The following BAZ2B variants were observed in gnomAD, a reference collection of about 807,000 sequenced individuals.
BAZ2B encodes bromodomain adjacent to zinc finger domain protein 2B.
A neutral mutation model predicts 246.0 loss-of-function variants in BAZ2B; 91 were observed. The observed-to-expected ratio is 0.37, with a 90% CI of 0.31 to 0.44. BAZ2B has a LOEUF of 0.44. Ranked by LOEUF, BAZ2B falls within the 20% of genes least tolerant of loss-of-function variation. BAZ2B has a pLI of 1.00. For synonymous variants in BAZ2B, 855 were observed against 860.0 expected (o/e 0.99, Z 0.10); for missense variants, 2,332 against 2,533.7 (o/e 0.92, Z 1.71).
intron 2 of BAZ2B, among the ~76,000 whole-genome samples, chr2:159,522,530 T>C (rs2084245398): frequency 1.3e-5 from 2 of 152,220 alleles, no homozygotes; most frequent in African/African-American, 4.8e-5. Context: ...CGTTAATGTC[T>C]AACCTCAAAC....
chr2:159,610,998 GTT>G (rs779244099), intron 1 of BAZ2B, among the ~76,000 whole-genome samples: 31 of 151,894 alleles, frequency 2.0e-4, no homozygotes, highest in Admixed American at 4.6e-4. Flanking sequence ...TACTTTTCCT[GTT>G]TTCAATAAAC....
chr2:159,419,751 T>C (rs974574786), intron 13 of BAZ2B: 39 of 152,226 alleles, frequency 2.6e-4, no homozygotes, highest in African/African-American at 9.2e-4. Context: ...CCTCCTAGTA[T>C]AGGCCTCGCC....
intron 21 of BAZ2B, among the ~76,000 whole-genome samples, chr2:159,388,142 TA>T (rs922536218): frequency 6.6e-6 from 1 of 151,414 alleles, no homozygotes; most frequent in Non-Finnish European, 1.5e-5. Context: ...TAAAATAAAA[TA>T]AAAAAAGAGC....
At chr2:159,440,656 C>G (rs2073224079) in intron 6 of BAZ2B, among the ~76,000 whole-genome samples, 1 of 151,932 alleles carries the variant, frequency 6.6e-6, no homozygotes, top group Admixed American at 6.6e-5. Context: ...GCTGGGATTA[C>G]AGGCGCCTGC....
intron 20 of BAZ2B, among the ~76,000 whole-genome samples, chr2:159,394,998 C>A (rs1254419020): frequency 1.3e-5 from 2 of 152,124 alleles, no homozygotes; most frequent in Admixed American, 1.3e-4. Flanking sequence ...TACAGCCTCC[C>A]AGCTTCTAGA....
At chr2:159,521,151 G>C (rs768376085) in intron 2 of BAZ2B, among the ~76,000 whole-genome samples, 1 of 151,808 alleles carries the variant, frequency 6.6e-6, no homozygotes, top group Non-Finnish European at 1.5e-5. Flanking sequence ...ATACACTGAA[G>C]TATCTCATAT....
intron 1 of BAZ2B, among the ~76,000 whole-genome samples, chr2:159,573,021 A>T (rs541281709): frequency 6.6e-6 from 1 of 152,304 alleles, no homozygotes; most frequent in Admixed American, 6.5e-5. Context: ...AGGGCAAAAT[A>T]TCAAAAAGAG....
At chr2:159,553,348 T>C (rs767295701) in intron 2 of BAZ2B, among the ~76,000 whole-genome samples, 2 of 131,924 alleles carry the variant, frequency 1.5e-5, no homozygotes, top group Admixed American at 8.8e-5. Context: ...TGAGCCAAGA[T>C]TGCACCACTG....
the BAZ2B span, among the ~76,000 whole-genome samples, chr2:159,644,461 G>A: frequency 6.6e-6 from 1 of 152,174 alleles, no homozygotes; most frequent in East Asian, 1.9e-4. Flanking sequence ...GGCTCTCTGT[G>A]AGGGCATTAC....
At chr2:159,651,809 T>C in the BAZ2B span, among the ~76,000 whole-genome samples, 1 of 152,206 alleles carries the variant, frequency 6.6e-6, no homozygotes, top group Non-Finnish European at 1.5e-5. Context: ...ATGTGGTCTT[T>C]TGTGACTAGC....
intron 1 of BAZ2B, among the ~76,000 whole-genome samples, chr2:159,593,122 A>G (rs2151712329): frequency 6.6e-6 from 1 of 152,360 alleles, no homozygotes; most frequent in Middle Eastern, 3.4e-3. Context: ...CTAAAGTAAT[A>G]AAAAGAAAAT....
chr2:159,488,480 T>A (rs2080087754), intron 2 of BAZ2B, among the ~76,000 whole-genome samples: 1 of 152,082 alleles, frequency 6.6e-6, no homozygotes, highest in Non-Finnish European at 1.5e-5. Context: ...TCAAAATATC[T>A]CATGTATCAC....
chr2:159,491,048 A>G (rs899787437), intron 2 of BAZ2B, among the ~76,000 whole-genome samples: 4 of 152,162 alleles, frequency 2.6e-5, no homozygotes, highest in Non-Finnish European at 5.9e-5. Context: ...GCAGGAGTCT[A>G]TTTTATGGCT....
intron 2 of BAZ2B, among the ~76,000 whole-genome samples, chr2:159,501,263 T>C (rs12692551): frequency 0.58 from 66,185 of 114,356 alleles, 18,838 homozygotes; most frequent in Non-Finnish European, 0.64. Context: ...GCATGGTGGC[T>C]TGCACCTATA....
At chr2:159,689,002 A>G in the BAZ2B span, among the ~76,000 whole-genome samples, 9 of 151,976 alleles carry the variant, frequency 5.9e-5, no homozygotes, top group African/African-American at 1.9e-4. Context: ...TCCATTTTTG[A>G]TTAGTATCTT....
Position 159,473,072 on chromosome 2 carries a change from CTTTG to C in BAZ2B, c.145+5499_145+5502del, listed in dbSNP as rs575982792. On this transcript the variant is annotated intron_variant, in intron 3 of 36. Transcript: ENST00000392783. ...TTCAGAAGGAATGGTACCAGCTCCT[CTTTG>C]TACCTCTGGTAGAATTCGGCTGTGA... Among the ~76,000 whole-genome samples, 196 of 152,294 alleles carry C rather than the reference CTTTG, an allele frequency of 1.3e-3. 2 individuals carry two copies. The highest frequency in any genetic ancestry group is 3.6e-3 in the Admixed American group (55 of 15,290).
chr2:159,393,196 C>A, intron 20 of BAZ2B, among the ~76,000 whole-genome samples: 1 of 151,978 alleles, frequency 6.6e-6, no homozygotes, highest in East Asian at 1.9e-4. Flanking sequence ...TGGGAAAATG[C>A]CATGGTGAGG....
At chr2:159,707,380 C>G in the BAZ2B span, among the ~76,000 whole-genome samples, 5 of 151,786 alleles carry the variant, frequency 3.3e-5, no homozygotes, top group African/African-American at 7.3e-5. Context: ...GAGAACTCAT[C>G]TCTATTAAAA....
In BAZ2B at chr2:159,501,904, T is replaced by C. The variant is rs182161389; in HGVS notation, c.-2-23183A>G. 3.9e-4 allele frequency among the ~76,000 whole-genome samples: 60 copies of C among 152,294 alleles called. 1 individual carries two copies. Among genetic ancestry groups the C allele is most frequent in the African/African-American group, 1.3e-3 (56 of 41,572 alleles). ...GAATGTTCATAGCTATTGTTCATAA[T>C]AGCCCCAAAGCAAATAACCCAAATG... On this transcript the variant is annotated intron_variant, in intron 2 of 36. Coordinates refer to ENST00000392783, the MANE Select transcript of BAZ2B (RefSeq NM_013450.4).
Sources: allele counts gnomAD v4.1 joint callset (sites outside exome capture counted in the v4.1 genomes callset), GRCh38; gene constraint gnomAD v4.1.1; transcripts MANE v1.5; gene names NCBI Gene and HGNC (gene_info 2026-07-23, HGNC 2026-07-21).